Variants in NUP155 observed in about 807,000 individuals in gnomAD.
NUP155 encodes the protein nucleoporin 155.
Under a neutral mutation model 180.4 loss-of-function variants are expected in NUP155, and 71 were observed. The ratio of observed to expected loss-of-function variants is 0.39; its 90% CI spans 0.33 to 0.48. The LOEUF is 0.48. Ranked by LOEUF, NUP155 falls within the 20% of genes least tolerant of loss-of-function variation. NUP155 has a pLI of 0.91. For synonymous variants in NUP155, 582 were observed against 559.5 expected, an observed-to-expected ratio of 1.04 and a Z score of -0.57; for missense variants, 1,553 against 1,648.9, an observed-to-expected ratio of 0.94 and a Z score of 1.01.
chr5:37,362,290 TG>T (rs1414518628), intron 3 of NUP155, among the ~76,000 whole-genome samples: 1 of 151,838 alleles, frequency 6.6e-6, no homozygotes, highest in African/African-American at 2.4e-5. Context: ...ATTTCATTAG[TG>T]TTTTTTTTTT....
chr5:37,348,011 G>A (rs998525852), intron 9 of NUP155, among the ~76,000 whole-genome samples: 2 of 152,138 alleles, frequency 1.3e-5, no homozygotes, highest in Non-Finnish European at 2.9e-5. Context: ...GTGCATGTCC[G>A]TAATCCCAAC....
rs28470304 is a variant in NUP155 at position 37,341,523 on chromosome 5, G to A, written c.1094-281C>T. On this transcript the variant is annotated intron_variant, in intron 10 of 34. Transcript: ENST00000231498. Reference sequence around the variant, plus strand: ...ACTACAGGCATGTGCCACCACACCCGTCTAATTTGTTTTATTTTTATTTTT... The same window carrying A: ...ACTACAGGCATGTGCCACCACACCCATCTAATTTGTTTTATTTTTATTTTT... Among the ~76,000 whole-genome samples, 448 of 152,008 alleles carry A rather than the reference G, an allele frequency of 2.9e-3. 1 individual carries two copies. The highest frequency in any genetic ancestry group is 0.01 in the African/African-American group (431 of 41,464).
rs776200098 is a variant in NUP155, at chr5:37,292,918, C to T, written c.3998G>A (p.Arg1333Lys). 1.2e-6 allele frequency: 2 copies of T among 1,611,968 alleles called. No homozygotes were observed. Among genetic ancestry groups the T allele is most frequent in the African/African-American group, 1.3e-5 (1 of 74,884 alleles). Residue 1333 changes from arginine (R) to lysine (K), a missense_variant, in exon 34 of 35, where the codon AGA (arginine) becomes AAA (lysine). By Grantham distance (26) the Arg-to-Lys change is conservative. Coordinates refer to ENST00000231498, the MANE Select transcript of NUP155 (RefSeq NM_153485.3). ...AACTTGGCTGGGATTCTCAACATATCTTATCAATAATACATGTATACAATC... is the reference window on the plus strand; with the variant it reads ...AACTTGGCTGGGATTCTCAACATATTTTATCAATAATACATGTATACAATC... ...LLDCIHVLLI[R>K]YVENPSQVLN...
At chr5:37,320,685 T>C (rs1744190402) in intron 20 of NUP155, among the ~76,000 whole-genome samples, 1 of 151,906 alleles carries the variant, frequency 6.6e-6, no homozygotes, top group South Asian at 2.1e-4. Context: ...AAATTAGAAG[T>C]AGATTAGAAA....
chr5:37,323,961 A>G, intron 20 of NUP155, 31 bp downstream of exon 20: 2 of 1,398,370 alleles, frequency 1.4e-6, no homozygotes, highest in Non-Finnish European at 2.0e-6. Flanking sequence ...GAAAAGAAAA[A>G]GATGAATTAA....
At chr5:37,365,515 G>A (rs952742417) in intron 1 of NUP155, among the ~76,000 whole-genome samples, 3 of 151,176 alleles carry the variant, frequency 2.0e-5, no homozygotes, top group African/African-American at 7.3e-5. Flanking sequence ...AGACCAGCCT[G>A]GCCAAAATGG....
chr5:37,360,040 C>A (rs950209621), intron 3 of NUP155, among the ~76,000 whole-genome samples: 5 of 151,936 alleles, frequency 3.3e-5, no homozygotes, highest in African/African-American at 1.2e-4. Context: ...ATCACTTGAA[C>A]CTGGGAGGTG....
In NUP155 at chr5:37,342,050, G is replaced by T. The variant is rs550938733; in HGVS notation, c.1093+499C>A. Among the ~76,000 whole-genome samples the T allele has an allele frequency of 2.4e-4, 36 of 152,202 alleles. 1 individual carries two copies. Among genetic ancestry groups the T allele is most frequent in the Admixed American group, 1.2e-3 (19 of 15,264 alleles). ...TGGCTTTTGTTTTGCTTTTTTACTG[G>T]TTTTTTGAGAAAAGATCTTGCCCTA... On this transcript the variant is annotated intron_variant, in intron 10 of 34. Coordinates refer to ENST00000231498, the MANE Select transcript of NUP155 (RefSeq NM_153485.3).
intron 23 of NUP155, chr5:37,309,587 C>A (rs1743398310): frequency 4.0e-6 from 1 of 247,678 alleles, no homozygotes; most frequent in Non-Finnish European, 7.8e-6. Context: ...AGGAAAGGAT[C>A]AATAAAAATG....
chr5:37,289,426 A>T lies in NUP155; in HGVS notation c.*2474T>A, dbSNP rs1742145660. 6.6e-6 allele frequency: 1 copy of T among 152,278 alleles called. No homozygotes were observed. The highest frequency in any genetic ancestry group is 2.1e-4 in the South Asian group (1 of 4,838). The allele number at this position is 152,278 out of a possible 1,614,324, so 9.4% of individuals were successfully genotyped here. ...ACTGCCAGGATCAGCATGACACTAC[A>T]GATGGAACTCAAGAATCTGTCATAA... On this transcript the variant is annotated 3_prime_UTR_variant, in exon 35 of 35. Coordinates refer to ENST00000231498, the MANE Select transcript of NUP155 (RefSeq NM_153485.3).
intron 14 of NUP155, among the ~76,000 whole-genome samples, chr5:37,331,013 G>T (rs550319019): frequency 3.9e-5 from 6 of 152,076 alleles, no homozygotes; most frequent in Admixed American, 3.9e-4. Context: ...GCCAGGCGTG[G>T]TGGGGGGGTC....
chr5:37,343,175 C>A (rs528017509), intron 9 of NUP155, among the ~76,000 whole-genome samples: 12 of 151,480 alleles, frequency 7.9e-5, no homozygotes, highest in African/African-American at 2.2e-4. Flanking sequence ...GCCAGGTTCA[C>A]GCCATTCTCC....
At chr5:37,338,299 C>T (rs556402650) in intron 11 of NUP155, among the ~76,000 whole-genome samples, 11 of 119,166 alleles carry the variant, frequency 9.2e-5, no homozygotes, top group African/African-American at 3.4e-4. Flanking sequence ...GCCTGGGCGC[C>T]AGAGCAAGAT....
chr5:37,351,075 A>G, intron 6 of NUP155, 115 bp downstream of exon 6: 1 of 868,988 alleles, frequency 1.2e-6, no homozygotes. Flanking sequence ...GTATGCTTGA[A>G]TATTTACCAT....
chr5:37,333,272 T>C (rs1281079277), intron 13 of NUP155, among the ~76,000 whole-genome samples, 191 bp downstream of exon 13: 1 of 151,942 alleles, frequency 6.6e-6, no homozygotes, highest in East Asian at 1.9e-4. Context: ...GGAGAATTGC[T>C]TGATCTGGGG....
intron 27 of NUP155, 64 bp downstream of exon 27, chr5:37,304,675 G>T: frequency 1.7e-6 from 2 of 1,147,530 alleles, no homozygotes; most frequent in Non-Finnish European, 2.6e-6. Flanking sequence ...CTATATATGT[G>T]CTTAAATCAT....
At chr5:37,297,631 C>T (rs1388603244) in intron 32 of NUP155, among the ~76,000 whole-genome samples, 6 of 152,008 alleles carry the variant, frequency 3.9e-5, no homozygotes, top group African/African-American at 7.2e-5. Flanking sequence ...CCATCCGCCT[C>T]GGCCTCCCAA....
Position 37,304,622 on chromosome 5 carries a change from C to T in NUP155, c.3162+117G>A, listed in dbSNP as rs1743051751. 4 of 761,062 alleles carry T rather than the reference C, an allele frequency of 5.3e-6. No individual in the cohort carries two copies. The Admixed American group carries it at 8.6e-5, about 16-fold the overall frequency. 47.1% of individuals were successfully genotyped at this position (761,062 alleles called of 1,614,324 possible). ...ACTGCATTACTCAGCTTTATACTAA[C>T]ATCTAATAGCAGGCATGGGATGAGA... On this transcript the variant is annotated intron_variant, in intron 27 of 34. Transcript: ENST00000231498.
intron 21 of NUP155, among the ~76,000 whole-genome samples, chr5:37,316,379 G>A (rs923926820): frequency 1.3e-5 from 2 of 152,184 alleles, no homozygotes; most frequent in Admixed American, 1.3e-4. Context: ...AAATTCAAGA[G>A]ACAGAAAGTA....
Sources: allele counts gnomAD v4.1 joint callset (sites outside exome capture counted in the v4.1 genomes callset), GRCh38; gene constraint gnomAD v4.1.1; transcripts MANE v1.5; gene names NCBI Gene and HGNC (gene_info 2026-07-23, HGNC 2026-07-21).